The following LEKR1 variants were observed in gnomAD, a reference collection of about 807,000 sequenced individuals.
The protein encoded by LEKR1 is protein LEKR1.
LEKR1 carries 59 observed loss-of-function variants against 72.4 expected under a neutral mutation model. That is an observed-to-expected ratio of 0.82 (90% CI 0.66 to 1.01). The LOEUF is 1.01. Ranked by LOEUF, LEKR1 falls within the 50% of genes least tolerant of loss-of-function variation. LEKR1 has a pLI of 0.00. For synonymous variants in LEKR1, 257 were observed against 263.2 expected, an observed-to-expected ratio of 0.98 and a Z score of 0.23; for missense variants, 728 against 759.2, an observed-to-expected ratio of 0.96 and a Z score of 0.48.
chr3:156,827,123 T>A (rs761659756), intron 1 of LEKR1: 7 of 152,286 alleles, frequency 4.6e-5, no homozygotes, highest in Non-Finnish European at 8.8e-5. Context: ...AGACTAAATT[T>A]AAAAAATTAC....
At chr3:156,937,040 G>A (rs961951820) in intron 5 of LEKR1, among the ~76,000 whole-genome samples, 6 of 152,144 alleles carry the variant, frequency 3.9e-5, no homozygotes, top group African/African-American at 7.2e-5. Context: ...TACTCAGGAC[G>A]CTGAGGTGGG....
chr3:157,036,601 T>C (rs1405383220), intron 12 of LEKR1, among the ~76,000 whole-genome samples: 1 of 152,024 alleles, frequency 6.6e-6, no homozygotes, highest in Admixed American at 6.6e-5. Context: ...AATGATGGAA[T>C]AAGTAATAAA....
intron 3 of LEKR1, among the ~76,000 whole-genome samples, chr3:156,868,512 G>A (rs1347427388): frequency 1.3e-5 from 2 of 151,976 alleles, no homozygotes; most frequent in Non-Finnish European, 2.9e-5. Context: ...GAAACAGGTA[G>A]AGGAAAAATG....
intron 3 of LEKR1, among the ~76,000 whole-genome samples, chr3:156,881,839 T>G (rs1180455180): frequency 7.4e-6 from 1 of 135,824 alleles, no homozygotes; most frequent in Non-Finnish European, 1.6e-5. Flanking sequence ...CCCTCAGAAA[T>G]AACGCCGCAT....
At chr3:156,949,957 G>T (rs1011827812) in intron 6 of LEKR1, among the ~76,000 whole-genome samples, 1 of 151,160 alleles carries the variant, frequency 6.6e-6, no homozygotes, top group Non-Finnish European at 1.5e-5. Context: ...ATAAAATTAA[G>T]ATTCTCTGTT....
intron 6 of LEKR1, among the ~76,000 whole-genome samples, chr3:156,955,578 C>T (rs1727551914): frequency 6.6e-6 from 1 of 151,890 alleles, no homozygotes; most frequent in Admixed American, 6.6e-5. Flanking sequence ...TTATCAAAGG[C>T]CTTTTTGCCA....
chr3:156,863,929 G>A (rs533471831), intron 3 of LEKR1, among the ~76,000 whole-genome samples: 2 of 152,100 alleles, frequency 1.3e-5, no homozygotes, highest in Non-Finnish European at 2.9e-5. Context: ...CTCAACCAGG[G>A]TTGGTTGAGT....
At chr3:156,951,629 T>G (rs939965828) in intron 6 of LEKR1, among the ~76,000 whole-genome samples, 1 of 151,816 alleles carries the variant, frequency 6.6e-6, no homozygotes, top group African/African-American at 2.4e-5. Flanking sequence ...TCTTCTAGGT[T>G]TTCTAGTTTG....
chr3:156,998,350 A>G (rs913730096), intron 9 of LEKR1, among the ~76,000 whole-genome samples: 1 of 152,212 alleles, frequency 6.6e-6, no homozygotes, highest in African/African-American at 2.4e-5. Flanking sequence ...TATGTGTTTA[A>G]GCTTGAAGAC....
chr3:156,842,318 G>A (rs1197732060), intron 2 of LEKR1, among the ~76,000 whole-genome samples: 2 of 151,996 alleles, frequency 1.3e-5, no homozygotes, highest in Admixed American at 6.6e-5. Context: ...GAGATGTGTG[G>A]ATCAGTGTGC....
At chr3:156,982,866 GA>G (rs1730339496) in intron 7 of LEKR1, among the ~76,000 whole-genome samples, 1 of 141,902 alleles carries the variant, frequency 7.0e-6, no homozygotes, top group South Asian at 2.2e-4. Context: ...TAGATAGATA[GA>G]TAGATAGATA....
In LEKR1 at chr3:156,826,877, G is replaced by A. The variant is rs1324322442; in HGVS notation, c.-45+501G>A. 13 of 155,530 alleles carry A rather than the reference G, an allele frequency of 8.4e-5. No individual in the cohort carries two copies. In the Admixed American group the frequency reaches 8.5e-4, roughly 10 times the overall value. The allele number at this position is 155,530 out of a possible 1,614,324, so 9.6% of individuals were successfully genotyped here. Reference sequence around the variant, plus strand: ...TTCTTTACGTAAGGGCTTGAAAGCTGAACGTGAGTTAATGGCCTGACGTGA... The same window carrying A: ...TTCTTTACGTAAGGGCTTGAAAGCTAAACGTGAGTTAATGGCCTGACGTGA... On this transcript the variant is annotated intron_variant, in intron 1 of 12. Coordinates refer to ENST00000356539, the MANE Select transcript of LEKR1 (RefSeq NM_001004316.3).
intron 10 of LEKR1, among the ~76,000 whole-genome samples, chr3:157,021,000 G>A (rs1201786461): frequency 6.6e-6 from 1 of 151,650 alleles, no homozygotes; most frequent in Non-Finnish European, 1.5e-5. Context: ...ATCTCATTGT[G>A]GTTTTGATTT....
intron 2 of LEKR1, among the ~76,000 whole-genome samples, chr3:156,840,916 C>T (rs549411580): frequency 1.3e-5 from 2 of 152,238 alleles, no homozygotes; most frequent in African/African-American, 2.4e-5. Flanking sequence ...TGAACTAAGT[C>T]CCTTTCTTGT....
rs1560064592 is a variant in LEKR1, at chr3:156,899,613, CACATATATACACATATATACACGCAT to C, written c.264-20960_264-20935del. 1.1e-4 allele frequency among the ~76,000 whole-genome samples: 12 copies of C among 110,412 alleles called. No homozygotes were observed. In the East Asian group the frequency reaches 2.9e-3, roughly 27 times the overall value. The allele number at this position is 110,412 out of a possible 152,430, so 72.4% of individuals were successfully genotyped here. On this transcript the variant is annotated intron_variant, in intron 3 of 12. Transcript: ENST00000356539. Reference sequence around the variant, plus strand: ...ATATATACATATACGTATATATACACACATATATACACATATATACACGCATATATACACATATATACACGCATATA... The same window carrying C: ...ATATATACATATACGTATATATACACATATACACATATATACACGCATATA...
At chr3:156,829,934 A>C (rs1712149038) in intron 2 of LEKR1, among the ~76,000 whole-genome samples, 1 of 152,234 alleles carries the variant, frequency 6.6e-6, no homozygotes, top group South Asian at 2.1e-4. Context: ...GCATGTCATG[A>C]ATGCATAAAA....
intron 5 of LEKR1, among the ~76,000 whole-genome samples, chr3:156,932,340 A>G (rs1725297797): frequency 6.6e-6 from 1 of 152,224 alleles, no homozygotes; most frequent in South Asian, 2.1e-4. Flanking sequence ...GCATTTTTAT[A>G]TGACAATATG....
chr3:156,901,401 C>T (rs1366851856), intron 3 of LEKR1, among the ~76,000 whole-genome samples: 1 of 152,166 alleles, frequency 6.6e-6, no homozygotes, highest in Non-Finnish European at 1.5e-5. Context: ...GTTTTACACT[C>T]TTCATACCTA....
At chr3:156,901,419 G>A (rs1453380464) in intron 3 of LEKR1, among the ~76,000 whole-genome samples, 2 of 152,118 alleles carry the variant, frequency 1.3e-5, no homozygotes, top group Non-Finnish European at 2.9e-5. Context: ...CTAACCATGA[G>A]CCACTTGAGA....
Sources: allele counts gnomAD v4.1 joint callset (sites outside exome capture counted in the v4.1 genomes callset), GRCh38; gene constraint gnomAD v4.1.1; transcripts MANE v1.5; gene names NCBI Gene and HGNC (gene_info 2026-07-23, HGNC 2026-07-21).